The following XYLT1 variants were observed in gnomAD, a reference collection of about 807,000 sequenced individuals.
XYLT1 encodes beta-D-xylosyltransferase 1.
XYLT1 carries 36 observed loss-of-function variants against 91.3 expected under a neutral mutation model. The observed-to-expected ratio is 0.39, with a 90% CI of 0.30 to 0.52. XYLT1 has a LOEUF of 0.52. XYLT1 is among the 20% of genes least tolerant of loss of function. XYLT1 has a pLI of 0.68. For synonymous variants in XYLT1, 588 were observed against 532.0 expected, an observed-to-expected ratio of 1.11 and a Z score of -1.45; for missense variants, 1,242 against 1,284.5, an observed-to-expected ratio of 0.97 and a Z score of 0.51.
In XYLT1 at chr16:17,101,936, C is replaced by G. The variant is rs915391205; in HGVS notation, c.*6759G>C. ...GAGGAAAGGAAAACACGTTTGCCAA[C>G]CAACCAACCAGTTGGGTATAGGAAA... On this transcript the variant is annotated 3_prime_UTR_variant, in exon 12 of 12. Transcript: ENST00000261381. The G allele has an allele frequency of 6.6e-6, 1 of 152,326 alleles. No individual in the cohort carries two copies. Among genetic ancestry groups the G allele is most frequent in the South Asian group, 2.1e-4 (1 of 4,824 alleles). The allele number at this position is 152,326 out of a possible 1,614,324, so 9.4% of individuals were successfully genotyped here. A position where few individuals can be genotyped will look rare whatever the true frequency, so the allele number is the denominator to read the frequency against.
intron 3 of XYLT1, among the ~76,000 whole-genome samples, chr16:17,251,634 G>T (rs2033539821): frequency 6.6e-6 from 1 of 152,208 alleles, no homozygotes; most frequent in Admixed American, 6.5e-5. Context: ...ACTGCACGGA[G>T]GGCGCTTCCT....
chr16:17,379,592 G>T (rs1596513850), intron 1 of XYLT1, among the ~76,000 whole-genome samples: 1 of 152,286 alleles, frequency 6.6e-6, no homozygotes, highest in East Asian at 1.9e-4. Flanking sequence ...GGGTAGCTGG[G>T]GGTAGAGGAC....
At chr16:17,466,902 G>T (rs565205345) in intron 1 of XYLT1, among the ~76,000 whole-genome samples, 1 of 149,858 alleles carries the variant, frequency 6.7e-6, no homozygotes, top group Admixed American at 6.6e-5. Context: ...AAAAAAAAAC[G>T]AACCATCAAT....
At chr16:17,321,303 A>G (rs73535307) in intron 2 of XYLT1, among the ~76,000 whole-genome samples, 2,065 of 142,574 alleles carry the variant, frequency 0.014, 50 homozygotes, top group African/African-American at 0.052. Context: ...TTTTTACTGT[A>G]ATAGCCCACA....
chr16:17,191,863 T>C lies in XYLT1; in HGVS notation c.1289+6349A>G, dbSNP rs537384125. The stretch of plus-strand genomic sequence containing the variant: ...ATAGTTTGGACTTTGTTGATGTGGA[T>C]ACCCAAGAGGCAGAAGTAGCAGGAA... On this transcript the variant is annotated intron_variant, in intron 5 of 11. Coordinates refer to ENST00000261381, the MANE Select transcript of XYLT1 (RefSeq NM_022166.4). 4.7e-4 allele frequency among the ~76,000 whole-genome samples: 72 copies of C among 152,310 alleles called. 1 individual carries two copies. The highest frequency in any genetic ancestry group is 1.7e-3 in the African/African-American group (70 of 41,564).
At chr16:17,154,249 G>C (rs1208915737) in intron 6 of XYLT1, among the ~76,000 whole-genome samples, 3 of 152,198 alleles carry the variant, frequency 2.0e-5, no homozygotes, top group Non-Finnish European at 2.9e-5. Context: ...CTGTGGTATA[G>C]AAGAGCTGGC....
chr16:17,133,571 C>T (rs1226793438), intron 9 of XYLT1, among the ~76,000 whole-genome samples: 1 of 152,150 alleles, frequency 6.6e-6, no homozygotes, highest in African/African-American at 2.4e-5. Flanking sequence ...AGCTACTGAG[C>T]AGCGTGGAGA....
At chr16:17,166,236 C>T (rs1368655941) in intron 5 of XYLT1, among the ~76,000 whole-genome samples, 2 of 152,226 alleles carry the variant, frequency 1.3e-5, no homozygotes, top group Non-Finnish European at 2.9e-5. Flanking sequence ...GCTGCTGCAG[C>T]TGGTGATCAT....
At chr16:17,399,061 C>T (rs1198673185) in intron 1 of XYLT1, among the ~76,000 whole-genome samples, 1 of 151,966 alleles carries the variant, frequency 6.6e-6, no homozygotes. Context: ...GCTTAGGGAC[C>T]CCCCCGCTTC....
chr16:17,253,918 C>T (rs2033589032), intron 3 of XYLT1, among the ~76,000 whole-genome samples: 1 of 150,482 alleles, frequency 6.6e-6, no homozygotes, highest in Non-Finnish European at 1.5e-5. Flanking sequence ...ATAAAGTGAC[C>T]CTTCTGCCTC....
intron 1 of XYLT1, among the ~76,000 whole-genome samples, chr16:17,449,104 C>T (rs1258156745): frequency 6.6e-6 from 1 of 152,218 alleles, no homozygotes; most frequent in Non-Finnish European, 1.5e-5. Context: ...TGCCTGGTCT[C>T]ACCCACACGC....
intron 5 of XYLT1, chr16:17,197,901 A>T (rs1026043256): frequency 5.1e-6 from 2 of 396,010 alleles, no homozygotes; most frequent in Non-Finnish European, 9.3e-6. Flanking sequence ...TTATATATAC[A>T]CCTATCCTGT....
intron 1 of XYLT1, among the ~76,000 whole-genome samples, chr16:17,449,326 C>T (rs979376401): frequency 2.6e-5 from 4 of 152,362 alleles, no homozygotes; most frequent in Middle Eastern, 3.4e-3. Context: ...AGCAATTCCA[C>T]GGGCATGGAG....
intron 1 of XYLT1, among the ~76,000 whole-genome samples, chr16:17,417,240 C>T (rs1282994655): frequency 6.6e-6 from 1 of 152,184 alleles, no homozygotes; most frequent in African/African-American, 2.4e-5. Flanking sequence ...CTCACAACAG[C>T]CTCGTATAGT....
chr16:17,396,161 C>T (rs2035882908), intron 1 of XYLT1, among the ~76,000 whole-genome samples: 1 of 152,154 alleles, frequency 6.6e-6, no homozygotes, highest in Non-Finnish European at 1.5e-5. Context: ...GTATCTACAC[C>T]CCTCCTGTAC....
At chr16:17,246,300 A>C (rs976096262) in intron 3 of XYLT1, among the ~76,000 whole-genome samples, 2 of 152,262 alleles carry the variant, frequency 1.3e-5, no homozygotes, top group Non-Finnish European at 1.5e-5. Flanking sequence ...GTTATTATTT[A>C]AGAGCAGTTT....
chr16:17,280,953 C>T (rs556022164), intron 2 of XYLT1, among the ~76,000 whole-genome samples: 1 of 152,180 alleles, frequency 6.6e-6, no homozygotes, highest in Admixed American at 6.5e-5. Context: ...AATCTGGGAG[C>T]CTTCACAAAA....
intron 2 of XYLT1, among the ~76,000 whole-genome samples, chr16:17,275,910 C>T (rs959138995): frequency 1.3e-5 from 2 of 152,052 alleles, no homozygotes; most frequent in South Asian, 2.1e-4. Flanking sequence ...AGCTCATTAC[C>T]GCAGGGCCTC....
intron 1 of XYLT1, among the ~76,000 whole-genome samples, chr16:17,394,899 T>C (rs1422991836): frequency 6.6e-6 from 1 of 152,148 alleles, no homozygotes; most frequent in Admixed American, 6.5e-5. Context: ...GGCAGGAAGA[T>C]CGCTTGAGGA....
Sources: gnomAD v4.1 joint callset for allele counts (sites outside exome capture counted in the v4.1 genomes callset) on GRCh38, gnomAD v4.1.1 for gene constraint, MANE v1.5 for transcripts, NCBI Gene and HGNC (gene_info 2026-07-23, HGNC 2026-07-21) for gene names.